Variants in MBNL2 observed in about 807,000 individuals in gnomAD.
MBNL2 encodes the protein muscleblind-like protein 2.
In MBNL2, 17 loss-of-function variants were observed where a neutral mutation model predicts 41.9. The observed-to-expected ratio is 0.41, with a 90% CI of 0.28 to 0.61. The LOEUF is 0.61. MBNL2 is among the 20% of genes least tolerant of loss of function. The pLI, the probability that MBNL2 is intolerant of heterozygous loss-of-function variation, is 0.35. For synonymous variants in MBNL2, 195 were observed against 182.9 expected (o/e 1.07, Z -0.53); for missense variants, 336 against 505.6 (o/e 0.66, Z 3.22).
chr13:97,175,830 G>A, the MBNL2 span, among the ~76,000 whole-genome samples: 455 of 152,310 alleles, frequency 3.0e-3, 6 homozygotes, highest in South Asian at 0.014. Flanking sequence ...CTCAGGACCT[G>A]ATAGAGTTGC....
intron 7 of MBNL2, chr13:97,363,223 A>G (rs2063558437): frequency 6.6e-6 from 1 of 152,272 alleles, no homozygotes; most frequent in African/African-American, 2.4e-5. Context: ...TGGAACTCTG[A>G]GAAGAGATCT....
At chr13:97,266,983 G>A (rs953102071) in intron 1 of MBNL2, among the ~76,000 whole-genome samples, 2 of 152,318 alleles carry the variant, frequency 1.3e-5, no homozygotes, top group African/African-American at 2.4e-5. Flanking sequence ...TAGATGACCC[G>A]AAAGTAAACT....
At chr13:97,328,173 C>CTT (rs35671709) in intron 2 of MBNL2, among the ~76,000 whole-genome samples, 69 of 131,772 alleles carry the variant, frequency 5.2e-4, no homozygotes, top group African/African-American at 7.3e-4. Context: ...TTCCTTAACC[C>CTT]TTTTTTTTTT....
At chr13:97,256,129 T>C (rs1022564393) in intron 1 of MBNL2, among the ~76,000 whole-genome samples, 1 of 152,180 alleles carries the variant, frequency 6.6e-6, no homozygotes, top group Non-Finnish European at 1.5e-5. Context: ...AAAAAATTAT[T>C]GCAAGGCTGA....
intron 2 of MBNL2, among the ~76,000 whole-genome samples, chr13:97,333,553 T>A (rs1295084606): frequency 6.6e-6 from 1 of 152,192 alleles, no homozygotes; most frequent in Non-Finnish European, 1.5e-5. Context: ...AGTAATCACT[T>A]GCAGATGATT....
chr13:97,290,492 A>T (rs1028918866), intron 2 of MBNL2, among the ~76,000 whole-genome samples: 1 of 151,886 alleles, frequency 6.6e-6, no homozygotes, highest in Non-Finnish European at 1.5e-5. Flanking sequence ...CTGGCTAACA[A>T]GGTGAAACCC....
intron 3 of MBNL2, among the ~76,000 whole-genome samples, chr13:97,340,530 T>A (rs1311488059): frequency 6.6e-6 from 1 of 152,226 alleles, no homozygotes; most frequent in African/African-American, 2.4e-5. Context: ...AGCTGCTTTT[T>A]ACTGAGTTCT....
chr13:97,359,016 T>C (rs1211860447), intron 7 of MBNL2, among the ~76,000 whole-genome samples: 1 of 152,102 alleles, frequency 6.6e-6, no homozygotes, highest in Admixed American at 6.5e-5. Context: ...TATTTTAGTT[T>C]TGAACCTGTC....
chr13:97,147,136 C>A, the MBNL2 span, among the ~76,000 whole-genome samples: 2 of 152,228 alleles, frequency 1.3e-5, no homozygotes, highest in Admixed American at 6.5e-5. Flanking sequence ...ATGGTTGGCT[C>A]TCTTGCTCCT....
chr13:97,375,404 A>G (rs971776147), intron 8 of MBNL2, among the ~76,000 whole-genome samples: 1 of 152,226 alleles, frequency 6.6e-6, no homozygotes, highest in African/African-American at 2.4e-5. Flanking sequence ...CTGGGAAAGT[A>G]AGCGCCATGG....
At chr13:97,235,513 T>G (rs1220740899) in intron 1 of MBNL2, among the ~76,000 whole-genome samples, 1 of 152,252 alleles carries the variant, frequency 6.6e-6, no homozygotes, top group Admixed American at 6.5e-5. Flanking sequence ...ATACCGGAAT[T>G]CTTGTGAGTC....
chr13:97,147,637 T>G, the MBNL2 span, among the ~76,000 whole-genome samples: 1 of 152,194 alleles, frequency 6.6e-6, no homozygotes, highest in African/African-American at 2.4e-5. Flanking sequence ...AATGACAGCT[T>G]TCTAAGTCCT....
At chr13:97,291,816 A>C (rs2152976870) in intron 2 of MBNL2, among the ~76,000 whole-genome samples, 1 of 148,122 alleles carries the variant, frequency 6.8e-6, no homozygotes, top group East Asian at 2.1e-4. Flanking sequence ...AATCGCTTGA[A>C]CCTGGGAGGC....
At chr13:97,216,202 T>C in the MBNL2 span, among the ~76,000 whole-genome samples, 1 of 148,412 alleles carries the variant, frequency 6.7e-6, no homozygotes, top group Non-Finnish European at 1.5e-5. Flanking sequence ...CCCTGCTGCA[T>C]TTTCAACCAA....
chr13:97,247,855 C>T (rs775988360), intron 1 of MBNL2, among the ~76,000 whole-genome samples: 4 of 152,118 alleles, frequency 2.6e-5, no homozygotes, highest in Non-Finnish European at 5.9e-5. Flanking sequence ...TAGGTTTACC[C>T]AAATCTAGAA....
intron 2 of MBNL2, among the ~76,000 whole-genome samples, chr13:97,296,747 A>C (rs1232712924): frequency 6.6e-6 from 1 of 152,242 alleles, no homozygotes. Flanking sequence ...CATACATACT[A>C]GAAAATGAGG....
chr13:97,328,309 G>A (rs1205337624), intron 2 of MBNL2, among the ~76,000 whole-genome samples: 1 of 151,916 alleles, frequency 6.6e-6, no homozygotes, highest in African/African-American at 2.4e-5. Context: ...CAGCCATGTG[G>A]AATGCGAGGA....
At chr13:97,164,066 G>A in the MBNL2 span, among the ~76,000 whole-genome samples, 1 of 152,136 alleles carries the variant, frequency 6.6e-6, no homozygotes, top group African/African-American at 2.4e-5. Context: ...GAGTGCAGCG[G>A]CACAATCTTG....
intron 1 of MBNL2, among the ~76,000 whole-genome samples, chr13:97,244,751 C>T (rs1048130215): frequency 2.0e-5 from 3 of 152,212 alleles, no homozygotes; most frequent in Non-Finnish European, 4.4e-5. Flanking sequence ...CATCTTTACA[C>T]TGCCCATAAA....
Sources: gnomAD v4.1 joint callset for allele counts (sites outside exome capture counted in the v4.1 genomes callset) on GRCh38, gnomAD v4.1.1 for gene constraint, MANE v1.5 for transcripts, NCBI Gene and HGNC (gene_info 2026-07-23, HGNC 2026-07-21) for gene names.